The following SDCCAG8 variants were observed in gnomAD, a reference collection of about 807,000 sequenced individuals.
SDCCAG8 encodes the protein serologically defined colon cancer antigen 8.
A neutral mutation model predicts 101.8 loss-of-function variants in SDCCAG8; 74 were observed. The observed-to-expected ratio is 0.73, with a 90% confidence interval of 0.60 to 0.88. The LOEUF is 0.88. SDCCAG8 is among the 40% of genes least tolerant of loss of function. The pLI is 0.00. For missense variants in SDCCAG8, 787 were observed against 822.6 expected (o/e 0.96, Z 0.53); for synonymous variants, 281 against 292.9 (o/e 0.96, Z 0.41).
chr1:243,340,510 A>G (rs1027997751), intron 10 of SDCCAG8, among the ~76,000 whole-genome samples: 1 of 152,110 alleles, frequency 6.6e-6, no homozygotes, highest in African/African-American at 2.4e-5. Context: ...GAACTAGATA[A>G]TAGGGGGGCG....
chr1:243,485,993 G>A (rs1161102871), intron 16 of SDCCAG8, among the ~76,000 whole-genome samples: 3 of 151,956 alleles, frequency 2.0e-5, no homozygotes, highest in Non-Finnish European at 4.4e-5. Flanking sequence ...GAGGTCAGGA[G>A]TTTGAGACCA....
rs574624312 is a variant in SDCCAG8, at chr1:243,322,499, G to T, written c.1068+5606G>T. Reference sequence around the variant, plus strand: ...CTACATGACTTGCAATTTTGGCTCAGTGCTATCTGTAACAACTTAAACAAT... The same window carrying T: ...CTACATGACTTGCAATTTTGGCTCATTGCTATCTGTAACAACTTAAACAAT... On this transcript the variant is annotated intron_variant, in intron 9 of 17. Transcript: ENST00000366541. Among the ~76,000 whole-genome samples the T allele has an allele frequency of 2.6e-5, 4 of 152,328 alleles. No individual in the cohort carries two copies. The South Asian group carries it at 8.3e-4, about 32-fold the overall frequency.
chr1:243,431,342 T>G (rs2081750809), intron 16 of SDCCAG8, among the ~76,000 whole-genome samples: 2 of 152,162 alleles, frequency 1.3e-5, no homozygotes, highest in South Asian at 4.1e-4. Context: ...GTTACTTGAT[T>G]GGCAGTGCTG....
chr1:243,492,826 C>T (rs76913843), intron 17 of SDCCAG8, among the ~76,000 whole-genome samples: 17 of 151,160 alleles, frequency 1.1e-4, no homozygotes, highest in Non-Finnish European at 1.8e-4. Context: ...AGGCTGGTCT[C>T]GAACTCCTGA....
chr1:243,388,083 T>C (rs2078432116), intron 13 of SDCCAG8, among the ~76,000 whole-genome samples: 1 of 152,164 alleles, frequency 6.6e-6, no homozygotes, highest in Non-Finnish European at 1.5e-5. Context: ...GTCAGGACTT[T>C]TTGGGTGAAC....
At chr1:243,372,898 ATATCT>A in intron 12 of SDCCAG8, among the ~76,000 whole-genome samples, 1 of 26,298 alleles carries the variant, frequency 3.8e-5, no homozygotes, top group South Asian at 1.4e-3. Flanking sequence ...CTTGGGAACC[ATATCT>A]ATATCTATAT....
intron 15 of SDCCAG8, among the ~76,000 whole-genome samples, chr1:243,421,031 G>T (rs1243310511): frequency 6.6e-6 from 1 of 152,036 alleles, no homozygotes; most frequent in East Asian, 1.9e-4. Context: ...GGAAAATCTT[G>T]GAGTTTCTAA....
chr1:243,335,269 A>G (rs1041298488), intron 10 of SDCCAG8, among the ~76,000 whole-genome samples: 6 of 152,200 alleles, frequency 3.9e-5, no homozygotes, highest in African/African-American at 1.4e-4. Flanking sequence ...AGAAACGCAG[A>G]GTATGGGGGA....
At chr1:243,370,204 G>C (rs1224105016) in intron 12 of SDCCAG8, among the ~76,000 whole-genome samples, 1 of 151,794 alleles carries the variant, frequency 6.6e-6, no homozygotes, top group Admixed American at 6.6e-5. Flanking sequence ...CTCTATCTAT[G>C]TATGCAAATA....
intron 12 of SDCCAG8, among the ~76,000 whole-genome samples, chr1:243,370,797 A>G (rs1168407530): frequency 6.6e-6 from 1 of 152,128 alleles, no homozygotes; most frequent in Non-Finnish European, 1.5e-5. Context: ...GCAAAGAAAA[A>G]AAAAGTTTCT....
intron 12 of SDCCAG8, among the ~76,000 whole-genome samples, chr1:243,350,005 C>CA (rs1333939124): frequency 1.3e-5 from 2 of 151,502 alleles, no homozygotes; most frequent in African/African-American, 2.4e-5. Context: ...AAAATGAGGG[C>CA]AAAAAAGGAT....
intron 16 of SDCCAG8, among the ~76,000 whole-genome samples, chr1:243,447,201 A>T (rs1424549865): frequency 7.6e-6 from 1 of 132,330 alleles, no homozygotes; most frequent in Non-Finnish European, 1.5e-5. Flanking sequence ...GTGAGCCGAG[A>T]TCGCGCCACG....
chr1:243,348,326 A>G (rs2075864321), intron 12 of SDCCAG8, among the ~76,000 whole-genome samples: 1 of 150,986 alleles, frequency 6.6e-6, no homozygotes, highest in African/African-American at 2.4e-5. Flanking sequence ...CTGGGATTAC[A>G]GGCATGAGCC....
chr1:243,336,080 GAATGGTGCTACAATGA>G (rs1288833507), intron 10 of SDCCAG8, among the ~76,000 whole-genome samples: 1 of 152,156 alleles, frequency 6.6e-6, no homozygotes, highest in Non-Finnish European at 1.5e-5. Flanking sequence ...TTGCTATTGT[GAATGGTGCTACAATGA>G]ACATGTAAGT....
intron 16 of SDCCAG8, among the ~76,000 whole-genome samples, chr1:243,429,899 C>T (rs2081603867): frequency 6.6e-6 from 1 of 151,926 alleles, no homozygotes; most frequent in Non-Finnish European, 1.5e-5. Context: ...GACAGGGTTT[C>T]CCCATGTTGG....
chr1:243,316,674 T>C, intron 8 of SDCCAG8, 81 bp from the exon 9 acceptor site: 1 of 1,562,934 alleles, frequency 6.4e-7, no homozygotes, highest in Non-Finnish European at 8.8e-7. Context: ...CTAATACATA[T>C]TAATGCTTTT....
chr1:243,289,610 T>C (rs962485068), intron 5 of SDCCAG8, among the ~76,000 whole-genome samples: 2 of 152,210 alleles, frequency 1.3e-5, no homozygotes, highest in South Asian at 2.1e-4. Context: ...GGTGTTATTA[T>C]CTCTGTTTTC....
rs373439089 is a variant in SDCCAG8 at position 243,290,509 on chromosome 1, G to C, written c.547-2582G>C. On this transcript the variant is annotated intron_variant, in intron 5 of 17. Transcript: ENST00000366541. ...AATGCAATCATATCTTAGGGGATTT[G>C]ACTCTACCGAGAGAATCAAGTGCAG... Among the ~76,000 whole-genome samples the C allele has an allele frequency of 2.0e-5, 3 of 152,188 alleles. No individual in the cohort carries two copies. The East Asian group carries it at 5.8e-4, about 29-fold the overall frequency.
intron 13 of SDCCAG8, among the ~76,000 whole-genome samples, chr1:243,398,454 T>TG (rs2147964167): frequency 6.6e-6 from 1 of 152,338 alleles, no homozygotes; most frequent in Admixed American, 6.5e-5. Flanking sequence ...AGGAAGTTGA[T>TG]GACCTGTATT....
Sources: allele counts gnomAD v4.1 joint callset (sites outside exome capture counted in the v4.1 genomes callset), GRCh38; gene constraint gnomAD v4.1.1; transcripts MANE v1.5; gene names NCBI Gene and HGNC (gene_info 2026-07-23, HGNC 2026-07-21).